Variants in LRP1B observed in about 807,000 individuals in gnomAD.
LRP1B encodes the protein low-density lipoprotein receptor-related protein 1B.
A neutral mutation model predicts 556.6 loss-of-function variants in LRP1B; 217 were observed. The ratio of observed to expected loss-of-function variants is 0.39; its 90% confidence interval spans 0.35 to 0.44. The LOEUF (loss-of-function observed/expected upper bound fraction) is 0.44, where lower values mean the gene tolerates loss of function less well. Ranked by LOEUF, LRP1B falls within the 20% of genes least tolerant of loss-of-function variation. LRP1B has a pLI of 1.00. For synonymous variants in LRP1B, 2,047 were observed against 1,865.8 expected (o/e 1.10, Z -2.50); for missense variants, 5,053 against 5,620.8 (o/e 0.90, Z 3.23).
Position 141,961,303 on chromosome 2 carries a change from T to A in LRP1B, c.83-150902A>T, listed in dbSNP as rs981500544. Among the ~76,000 whole-genome samples, 3 of 151,798 alleles carry A rather than the reference T, an allele frequency of 2.0e-5. No homozygotes were observed. In the East Asian group the frequency reaches 5.8e-4, roughly 29 times the overall value. On this transcript the variant is annotated intron_variant, in intron 1 of 90. Coordinates refer to ENST00000389484, the MANE Select transcript of LRP1B (RefSeq NM_018557.3). ...TGTTTTTGATGTAGAGAAAACAGTC[T>A]GCTGTTTAACATACAGCCTCCACTT... is the stretch of plus-strand genomic sequence containing the variant.
At chr2:140,799,763 G>T (rs559146260) in intron 32 of LRP1B, among the ~76,000 whole-genome samples, 1 of 152,174 alleles carries the variant, frequency 6.6e-6, no homozygotes, top group Non-Finnish European at 1.5e-5. Context: ...TAAAAAGTTT[G>T]CTGCGGACGA....
intron 1 of LRP1B, among the ~76,000 whole-genome samples, chr2:141,932,969 C>T (rs964466320): frequency 2.0e-5 from 3 of 151,954 alleles, no homozygotes; most frequent in African/African-American, 7.2e-5. Flanking sequence ...TTTAACCTTT[C>T]ATTTCCTGCT....
chr2:140,324,177 T>C (rs1680325566), intron 80 of LRP1B, 111 bp from the exon 81 acceptor site: 4 of 593,118 alleles, frequency 6.7e-6, no homozygotes, highest in Non-Finnish European at 1.2e-5. Context: ...AAAAATAAAC[T>C]TTCAGAATTG....
intron 2 of LRP1B, among the ~76,000 whole-genome samples, chr2:141,500,712 G>GT (rs36109486): frequency 3.9e-5 from 6 of 152,128 alleles, no homozygotes; most frequent in Non-Finnish European, 8.8e-5. Flanking sequence ...AAAGAAAGCA[G>GT]TTTTTTCATC....
chr2:141,005,229 C>T (rs2105373244), intron 15 of LRP1B, 106 bp downstream of exon 15: 1 of 1,223,484 alleles, frequency 8.2e-7, no homozygotes, highest in Non-Finnish European at 1.1e-6. Flanking sequence ...AAATAATTAT[C>T]TGAATTTCTC....
At chr2:141,975,042 G>A (rs1229894935) in intron 1 of LRP1B, among the ~76,000 whole-genome samples, 2 of 151,936 alleles carry the variant, frequency 1.3e-5, no homozygotes, top group African/African-American at 4.8e-5. Context: ...ACAAGTGAAT[G>A]TATTGTGACA....
intron 35 of LRP1B, among the ~76,000 whole-genome samples, chr2:140,748,123 AT>A (rs1559093612): frequency 0.12 from 14,532 of 120,310 alleles, 1,308 homozygotes; most frequent in Non-Finnish European, 0.17. Context: ...ATATATATAT[AT>A]ATATATATAT....
chr2:141,703,615 A>G (rs1052846185), intron 2 of LRP1B, among the ~76,000 whole-genome samples: 1 of 151,930 alleles, frequency 6.6e-6, no homozygotes, highest in Non-Finnish European at 1.5e-5. Flanking sequence ...AAGTCCTTTC[A>G]TTCAACTCCC....
At chr2:140,615,572 G>T (rs1178169837) in intron 41 of LRP1B, among the ~76,000 whole-genome samples, 1 of 152,120 alleles carries the variant, frequency 6.6e-6, no homozygotes, top group East Asian at 1.9e-4. Context: ...TTTGGAGCAT[G>T]TTCTTTCATC....
intron 2 of LRP1B, among the ~76,000 whole-genome samples, chr2:141,756,920 T>C (rs181660047): frequency 6.6e-6 from 1 of 152,306 alleles, no homozygotes; most frequent in Non-Finnish European, 1.5e-5. Context: ...CATAACTGTA[T>C]ATACATATAT....
intron 49 of LRP1B, among the ~76,000 whole-genome samples, chr2:140,520,161 G>A (rs1690097239): frequency 1.3e-5 from 2 of 152,120 alleles, no homozygotes; most frequent in South Asian, 4.1e-4. Flanking sequence ...GCACATGTAT[G>A]TTTATTGCGG....
chr2:140,697,964 C>T (rs1189413279), intron 41 of LRP1B, among the ~76,000 whole-genome samples: 2 of 151,812 alleles, frequency 1.3e-5, no homozygotes, highest in Non-Finnish European at 2.9e-5. Flanking sequence ...TGTATATTTG[C>T]CCCAATTTTA....
At chr2:141,349,211 T>G (rs1004846761) in intron 3 of LRP1B, among the ~76,000 whole-genome samples, 3 of 152,014 alleles carry the variant, frequency 2.0e-5, no homozygotes, top group Non-Finnish European at 4.4e-5. Context: ...TGTAAATAAC[T>G]AATCAATAAA....
At chr2:142,044,955 C>T (rs548480476) in intron 1 of LRP1B, among the ~76,000 whole-genome samples, 1 of 151,602 alleles carries the variant, frequency 6.6e-6, no homozygotes, top group Non-Finnish European at 1.5e-5. Flanking sequence ...GTATAGACAG[C>T]CTGTTAGTTT....
At chr2:140,501,228 A>G (rs1282304951) in intron 55 of LRP1B, among the ~76,000 whole-genome samples, 1 of 151,886 alleles carries the variant, frequency 6.6e-6, no homozygotes, top group African/African-American at 2.4e-5. Context: ...TAGTTTATGG[A>G]TTTTTTATGT....
At chr2:140,766,189 T>C (rs1427130375) in intron 35 of LRP1B, among the ~76,000 whole-genome samples, 1 of 128,840 alleles carries the variant, frequency 7.8e-6, no homozygotes. Context: ...TCAGGTGAAA[T>C]ATGAAGGTCA....
At chr2:141,594,184 C>T (rs369278055) in intron 2 of LRP1B, among the ~76,000 whole-genome samples, 16 of 151,950 alleles carry the variant, frequency 1.1e-4, no homozygotes, top group African/African-American at 3.6e-4. Flanking sequence ...GACCCTGTGC[C>T]CCAGTTTCCT....
intron 1 of LRP1B, among the ~76,000 whole-genome samples, chr2:141,815,342 G>A (rs951752547): frequency 2.6e-5 from 4 of 152,174 alleles, no homozygotes; most frequent in Admixed American, 2.6e-4. Context: ...GAGAGGTGAA[G>A]CCAGCTGGGT....
chr2:140,726,333 A>T (rs919497692), intron 35 of LRP1B, among the ~76,000 whole-genome samples: 4 of 152,146 alleles, frequency 2.6e-5, no homozygotes, highest in African/African-American at 9.7e-5. Flanking sequence ...AAAATAAATA[A>T]GTAAATAAAA....
Sources: allele counts gnomAD v4.1 joint callset (sites outside exome capture counted in the v4.1 genomes callset), GRCh38; gene constraint gnomAD v4.1.1; transcripts MANE v1.5; gene names NCBI Gene and HGNC (gene_info 2026-07-23, HGNC 2026-07-21).